The following BMPR1B variants were observed in gnomAD, a reference collection of about 807,000 sequenced individuals.
BMPR1B encodes bone morphogenetic protein receptor type-1B.
A neutral mutation model predicts 59.1 loss-of-function variants in BMPR1B; 12 were observed. The observed-to-expected ratio is 0.20, with a 90% CI of 0.13 to 0.33. BMPR1B has a LOEUF of 0.33. BMPR1B is among the 10% of genes least tolerant of loss of function. The pLI is 1.00. For missense variants in BMPR1B, 550 were observed against 610.9 expected (o/e 0.90, Z 1.05); for synonymous variants, 237 against 207.3 (o/e 1.14, Z -1.23).
chr4:94,813,941 A>G (rs1723915794), intron 1 of BMPR1B, among the ~76,000 whole-genome samples: 1 of 152,196 alleles, frequency 6.6e-6, no homozygotes, highest in Admixed American at 6.5e-5. Flanking sequence ...TGAGATGGAA[A>G]TATCAGGAGT....
At chr4:94,808,155 G>T in intron 1 of BMPR1B, among the ~76,000 whole-genome samples, 1 of 152,014 alleles carries the variant, frequency 6.6e-6, no homozygotes, top group East Asian at 1.9e-4. Flanking sequence ...TATTTTAAAT[G>T]TTTTTGCATT....
chr4:94,796,880 T>A (rs960827517), intron 1 of BMPR1B, among the ~76,000 whole-genome samples: 3 of 152,240 alleles, frequency 2.0e-5, no homozygotes, highest in African/African-American at 7.2e-5. Flanking sequence ...TATAGTCAGG[T>A]ATAATAGAGT....
rs529059449 is a variant in BMPR1B, at chr4:95,041,795, G to T, written c.-18+45661G>T. On this transcript the variant is annotated intron_variant, in intron 3 of 12. Coordinates refer to ENST00000515059, the MANE Select transcript of BMPR1B (RefSeq NM_001203.3). Reference sequence around the variant, plus strand: ...TCCTCCCGCACAGGGTGGCAGTGAGGATTAAATGAAATAATCAGAGTGAGC... The same window carrying T: ...TCCTCCCGCACAGGGTGGCAGTGAGTATTAAATGAAATAATCAGAGTGAGC... 3.6e-3 allele frequency among the ~76,000 whole-genome samples: 555 copies of T among 152,158 alleles called. 2 individuals carry two copies. The highest frequency in any genetic ancestry group is 0.013 in the African/African-American group (526 of 41,516).
chr4:94,902,003 C>T (rs1404384302), intron 2 of BMPR1B, among the ~76,000 whole-genome samples: 3 of 148,992 alleles, frequency 2.0e-5, no homozygotes, highest in Non-Finnish European at 3.0e-5. Context: ...TACTCTGGTT[C>T]ATTTCAACAA....
intron 2 of BMPR1B, among the ~76,000 whole-genome samples, chr4:94,940,353 T>C (rs1047048551): frequency 6.6e-6 from 1 of 152,072 alleles, no homozygotes; most frequent in Non-Finnish European, 1.5e-5. Flanking sequence ...CTGTTGTAAG[T>C]GTTAGTATAT....
At chr4:94,953,580 G>T (rs1730030158) in intron 2 of BMPR1B, among the ~76,000 whole-genome samples, 1 of 151,560 alleles carries the variant, frequency 6.6e-6, no homozygotes, top group Non-Finnish European at 1.5e-5. Flanking sequence ...GTTGAATATT[G>T]GCCCCCACTC....
intron 2 of BMPR1B, among the ~76,000 whole-genome samples, chr4:94,894,298 T>C (rs1727504953): frequency 6.6e-6 from 1 of 152,098 alleles, no homozygotes; most frequent in Admixed American, 6.6e-5. Flanking sequence ...TTTCAGGGGT[T>C]ACATTTTCAC....
intron 12 of BMPR1B, among the ~76,000 whole-genome samples, chr4:95,153,193 A>G (rs1390011125): frequency 6.6e-6 from 1 of 152,204 alleles, no homozygotes; most frequent in African/African-American, 2.4e-5. Context: ...AGGTTGACCT[A>G]GTTAAGATGC....
intron 1 of BMPR1B, among the ~76,000 whole-genome samples, chr4:94,829,639 A>G (rs1473994594): frequency 2.6e-5 from 4 of 152,166 alleles, no homozygotes; most frequent in African/African-American, 9.7e-5. Context: ...ACACCGGTAG[A>G]TAAAAGGAGC....
At chr4:94,881,475 C>CTT (rs749452166) in intron 2 of BMPR1B, among the ~76,000 whole-genome samples, 4 of 143,594 alleles carry the variant, frequency 2.8e-5, no homozygotes, top group Non-Finnish European at 4.6e-5. Flanking sequence ...AATATTTCAA[C>CTT]TTTTTTTTTT....
intron 1 of BMPR1B, among the ~76,000 whole-genome samples, chr4:94,821,452 A>AT (rs869161057): frequency 1.3e-5 from 2 of 151,958 alleles, no homozygotes; most frequent in Admixed American, 6.6e-5. Context: ...TTCTATAAAT[A>AT]TTTTTTAAAA....
At chr4:94,987,167 T>C (rs2149094025) in intron 2 of BMPR1B, among the ~76,000 whole-genome samples, 1 of 141,386 alleles carries the variant, frequency 7.1e-6, no homozygotes, top group East Asian at 2.0e-4. Flanking sequence ...CATATACATA[T>C]ATGTGTAATA....
chr4:95,068,121 A>G (rs549372531), intron 3 of BMPR1B, among the ~76,000 whole-genome samples: 23 of 152,216 alleles, frequency 1.5e-4, no homozygotes, highest in Non-Finnish European at 2.9e-4. Flanking sequence ...TAAACAGGGG[A>G]ATGATGATGA....
At chr4:94,966,883 ACTAG>A (rs1397474390) in intron 2 of BMPR1B, among the ~76,000 whole-genome samples, 1 of 152,160 alleles carries the variant, frequency 6.6e-6, no homozygotes, top group Non-Finnish European at 1.5e-5. Context: ...CATTAACACA[ACTAG>A]CTGTTCCCTA....
rs574028965 is a variant in BMPR1B, at chr4:94,767,517, A to G, written c.-183+9449A>G. Reference sequence around the variant, plus strand: ...GTTTTCATTCAAAAGTCCTTATTCAACAGCTTTGAATCTGCATCTCAAGAT... The same window carrying G: ...GTTTTCATTCAAAAGTCCTTATTCAGCAGCTTTGAATCTGCATCTCAAGAT... On this transcript the variant is annotated intron_variant, in intron 1 of 12. Coordinates refer to ENST00000515059, the MANE Select transcript of BMPR1B (RefSeq NM_001203.3). Among the ~76,000 whole-genome samples the G allele has an allele frequency of 7.2e-5, 11 of 152,278 alleles. No individual in the cohort carries two copies. In the South Asian group the frequency reaches 1.2e-3, roughly 17 times the overall value.
intron 2 of BMPR1B, among the ~76,000 whole-genome samples, chr4:94,909,110 T>G (rs1055430622): frequency 6.6e-6 from 1 of 152,036 alleles, no homozygotes; most frequent in Admixed American, 6.6e-5. Flanking sequence ...TCACATGGCT[T>G]TCTTTATGTA....
chr4:94,886,642 G>T (rs538812773), intron 2 of BMPR1B, among the ~76,000 whole-genome samples: 1 of 152,164 alleles, frequency 6.6e-6, no homozygotes, highest in Admixed American at 6.6e-5. Context: ...CAATGGATAT[G>T]AAATTAATTT....
rs116559247 is a variant in BMPR1B, at chr4:94,952,923, T to C, written c.-112-43117T>C. 8.0e-3 allele frequency among the ~76,000 whole-genome samples: 1,214 copies of C among 152,250 alleles called. 15 individuals carry two copies. The highest frequency in any genetic ancestry group is 0.027 in the African/African-American group (1,139 of 41,560). Reference sequence around the variant, plus strand: ...CTCTTTGTAGGTCTCTAAAAACTTATGTTATGAATCTGGGTGCTCCTGTAT... The same window carrying C: ...CTCTTTGTAGGTCTCTAAAAACTTACGTTATGAATCTGGGTGCTCCTGTAT... On this transcript the variant is annotated intron_variant, in intron 2 of 12. Coordinates refer to ENST00000515059, the MANE Select transcript of BMPR1B (RefSeq NM_001203.3).
intron 1 of BMPR1B, among the ~76,000 whole-genome samples, chr4:94,863,992 G>C (rs4623011): frequency 0.42 from 63,099 of 151,972 alleles, 13,714 homozygotes; most frequent in African/African-American, 0.54. Context: ...CTGGTAATGG[G>C]GTTAAAAGTA....
Sources: gnomAD v4.1 joint callset for allele counts (sites outside exome capture counted in the v4.1 genomes callset) on GRCh38, gnomAD v4.1.1 for gene constraint, MANE v1.5 for transcripts, NCBI Gene and HGNC (gene_info 2026-07-23, HGNC 2026-07-21) for gene names.